Variants in RERG observed in about 807,000 individuals in gnomAD.
The protein encoded by RERG is ras-related and estrogen-regulated growth inhibitor.
In RERG, 25 loss-of-function variants were observed where a neutral mutation model predicts 23.2. That is an observed-to-expected ratio of 1.08 (90% CI 0.79 to 1.50). The LOEUF is 1.50. RERG is among the 40% of genes most tolerant of loss of function. The probability of loss-of-function intolerance (pLI) is 0.00; values close to 1 mark genes in which losing one functional copy is unlikely to be tolerated. For synonymous variants in RERG, 81 were observed against 89.1 expected, an observed-to-expected ratio of 0.91 and a Z score of 0.51; for missense variants, 253 against 250.1, an observed-to-expected ratio of 1.01 and a Z score of -0.08.
intron 2 of RERG, among the ~76,000 whole-genome samples, chr12:15,125,838 G>A (rs74380380): frequency 0.04 from 6,076 of 151,586 alleles, 447 homozygotes; most frequent in African/African-American, 0.14. Flanking sequence ...TATTCAGTTA[G>A]GCATTACAGT....
chr12:15,115,498 A>T (rs1263262390), intron 3 of RERG, among the ~76,000 whole-genome samples: 1 of 152,166 alleles, frequency 6.6e-6, no homozygotes, highest in African/African-American at 2.4e-5. Flanking sequence ...AGGGAAAAGA[A>T]AGAGGAATAA....
At chr12:15,141,545 G>A (rs1406066742) in intron 2 of RERG, among the ~76,000 whole-genome samples, 1 of 151,918 alleles carries the variant, frequency 6.6e-6, no homozygotes, top group Non-Finnish European at 1.5e-5. Context: ...CTTGAATGTT[G>A]CCTATTTTTA....
At chr12:15,216,014 T>G (rs942067735) in intron 2 of RERG, among the ~76,000 whole-genome samples, 1 of 152,194 alleles carries the variant, frequency 6.6e-6, no homozygotes, top group Admixed American at 6.5e-5. Flanking sequence ...AAGTCTGGAA[T>G]GAAGGAATAA....
intron 2 of RERG, among the ~76,000 whole-genome samples, chr12:15,133,156 T>G (rs1386615033): frequency 2.9e-5 from 4 of 139,354 alleles, no homozygotes; most frequent in African/African-American, 1.2e-4. Flanking sequence ...GATATATATA[T>G]ATATATATAT....
chr12:15,154,733 C>T lies in RERG; in HGVS notation c.62-33614G>A, dbSNP rs370998665. Among the ~76,000 whole-genome samples the T allele has an allele frequency of 8.5e-5, 13 of 152,248 alleles. No individual in the cohort carries two copies. In the South Asian group the frequency reaches 1.0e-3, roughly 12 times the overall value. On this transcript the variant is annotated intron_variant, in intron 2 of 4. Coordinates refer to ENST00000256953, the MANE Select transcript of RERG (RefSeq NM_032918.3). ...GGTTGAAATTTGTCTCAATCTCACT[C>T]GGCAATCATATTCATAAACACTGCC...
At chr12:15,120,929 C>T in intron 3 of RERG, 134 bp downstream of exon 3, 1 of 714,724 alleles carries the variant, frequency 1.4e-6, no homozygotes, top group Non-Finnish European at 2.5e-6. Context: ...TCATAGAGGG[C>T]TTCTTTGCAT....
intron 2 of RERG, among the ~76,000 whole-genome samples, chr12:15,177,770 T>A (rs945816067): frequency 6.7e-6 from 1 of 150,292 alleles, no homozygotes; most frequent in Non-Finnish European, 1.5e-5. Context: ...CTAAGAAGAA[T>A]GTGAGGAACA....
intron 2 of RERG, among the ~76,000 whole-genome samples, chr12:15,146,979 A>G (rs1864343879): frequency 1.3e-5 from 2 of 152,258 alleles, no homozygotes; most frequent in South Asian, 4.2e-4. Flanking sequence ...TCTTAAAAGG[A>G]AAGCCTACAT....
intron 2 of RERG, among the ~76,000 whole-genome samples, chr12:15,137,266 C>G (rs1260209845): frequency 6.6e-6 from 1 of 151,556 alleles, no homozygotes; most frequent in Non-Finnish European, 1.5e-5. Flanking sequence ...ATTTGTCTAT[C>G]CCTTTACTTT....
intron 1 of RERG, among the ~76,000 whole-genome samples, chr12:15,220,867 G>A (rs1242637128): frequency 6.6e-6 from 1 of 152,142 alleles, no homozygotes; most frequent in African/African-American, 2.4e-5. Flanking sequence ...AATTGTATAA[G>A]CCCCTTGGCT....
intron 2 of RERG, among the ~76,000 whole-genome samples, chr12:15,209,464 A>G (rs1463354285): frequency 2.6e-5 from 4 of 152,218 alleles, no homozygotes; most frequent in Non-Finnish European, 2.9e-5. Flanking sequence ...TAGGCTATTT[A>G]TATAACAATG....
intron 2 of RERG, among the ~76,000 whole-genome samples, chr12:15,121,616 G>A (rs979107192): frequency 2.0e-5 from 3 of 152,180 alleles, no homozygotes; most frequent in Admixed American, 6.5e-5. Context: ...AGAGATCTGT[G>A]AAAACTCATC....
At chr12:15,215,088 A>G (rs1409867686) in intron 2 of RERG, among the ~76,000 whole-genome samples, 1 of 152,368 alleles carries the variant, frequency 6.6e-6, no homozygotes, top group African/African-American at 2.4e-5. Context: ...CACCTAAATG[A>G]AAACAAACAC....
chr12:15,161,398 C>G (rs11056380), intron 2 of RERG, among the ~76,000 whole-genome samples: 22,357 of 152,074 alleles, frequency 0.15, 1,961 homozygotes, highest in East Asian at 0.23. Context: ...TCTCCAGTCT[C>G]AGGAATAATA....
chr12:15,119,609 T>G (rs967385356), intron 3 of RERG, among the ~76,000 whole-genome samples: 13 of 152,268 alleles, frequency 8.5e-5, no homozygotes, highest in Middle Eastern at 3.4e-3. Flanking sequence ...ATCGGGTGCA[T>G]TTTTAGATCC....
At chr12:15,117,942 G>C (rs935634142) in intron 3 of RERG, among the ~76,000 whole-genome samples, 1 of 151,996 alleles carries the variant, frequency 6.6e-6, no homozygotes, top group Non-Finnish European at 1.5e-5. Flanking sequence ...TTCAAATGTG[G>C]TTCATAGACA....
At chr12:15,184,305 G>A in intron 2 of RERG, among the ~76,000 whole-genome samples, 1 of 152,048 alleles carries the variant, frequency 6.6e-6, no homozygotes, top group East Asian at 1.9e-4. Flanking sequence ...AATTCCAAAC[G>A]AACCTAGTTT....
intron 3 of RERG, among the ~76,000 whole-genome samples, chr12:15,111,686 CTT>C (rs11296760): frequency 0.012 from 1,581 of 127,944 alleles, 12 homozygotes; most frequent in South Asian, 0.031. Flanking sequence ...CTATACTTTC[CTT>C]TTTTTTTTTT....
At chr12:15,220,391 C>G (rs1357445586) in intron 1 of RERG, among the ~76,000 whole-genome samples, 1 of 152,134 alleles carries the variant, frequency 6.6e-6, no homozygotes, top group Non-Finnish European at 1.5e-5. Context: ...AAAACGCTAG[C>G]TAAAATCCTG....
Sources: gnomAD v4.1 joint callset for allele counts (sites outside exome capture counted in the v4.1 genomes callset) on GRCh38, gnomAD v4.1.1 for gene constraint, MANE v1.5 for transcripts, NCBI Gene and HGNC (gene_info 2026-07-23, HGNC 2026-07-21) for gene names.